The following LRRC7 variants were observed in gnomAD, a reference collection of about 807,000 sequenced individuals.
LRRC7 encodes leucine-rich repeat-containing protein 7.
Under a neutral mutation model 175.7 loss-of-function variants are expected in LRRC7, and 23 were observed. That is an observed-to-expected ratio of 0.13 (90% confidence interval 0.09 to 0.19). The LOEUF is 0.19. Among genes scored for constraint, LRRC7 ranks in the 10% least tolerant of loss-of-function variants. The pLI is 1.00. For missense variants in LRRC7, 1,354 were observed against 1,904.7 expected (o/e 0.71, Z 5.38); for synonymous variants, 685 against 680.9 (o/e 1.01, Z -0.09).
At chr1:70,116,246 TAACAC>T (rs1353502148) in intron 26 of LRRC7, among the ~76,000 whole-genome samples, 1 of 152,148 alleles carries the variant, frequency 6.6e-6, no homozygotes, top group Non-Finnish European at 1.5e-5. Context: ...TGTGTGTACT[TAACAC>T]AGAAGAGAAA....
At chr1:69,851,529 G>A (rs540437942) in intron 7 of LRRC7, among the ~76,000 whole-genome samples, 7 of 152,262 alleles carry the variant, frequency 4.6e-5, no homozygotes, top group Admixed American at 1.3e-4. Context: ...GAAGATGTCC[G>A]TAGAAGCAGG....
chr1:69,741,683 A>G (rs1290712075), intron 2 of LRRC7, among the ~76,000 whole-genome samples: 1 of 152,018 alleles, frequency 6.6e-6, no homozygotes, highest in Non-Finnish European at 1.5e-5. Context: ...CAAGCTAAAG[A>G]AGACTTACGA....
chr1:69,964,543 G>A (rs369025267), intron 8 of LRRC7, among the ~76,000 whole-genome samples: 2 of 152,070 alleles, frequency 1.3e-5, no homozygotes, highest in South Asian at 2.1e-4. Flanking sequence ...CCCAATAGAA[G>A]TTAGATTTTT....
intron 3 of LRRC7, among the ~76,000 whole-genome samples, chr1:69,773,515 C>T (rs1672473749): frequency 6.6e-6 from 1 of 152,176 alleles, no homozygotes; most frequent in African/African-American, 2.4e-5. Flanking sequence ...AGGAATATCA[C>T]TTATAAAAGG....
chr1:69,662,329 AT>A (rs1657591993), intron 1 of LRRC7, among the ~76,000 whole-genome samples: 1 of 152,120 alleles, frequency 6.6e-6, no homozygotes, highest in Non-Finnish European at 1.5e-5. Flanking sequence ...TAAAATCTAG[AT>A]TTTTCAAGAC....
chr1:69,686,898 A>C (rs1661220441), intron 2 of LRRC7, among the ~76,000 whole-genome samples: 1 of 152,112 alleles, frequency 6.6e-6, no homozygotes, highest in African/African-American at 2.4e-5. Context: ...GTTAAATATA[A>C]AGGGATAGAA....
chr1:69,619,444 A>C (rs974626637), intron 1 of LRRC7, among the ~76,000 whole-genome samples: 5 of 152,170 alleles, frequency 3.3e-5, no homozygotes, highest in African/African-American at 1.2e-4. Context: ...TTCATTCTGC[A>C]TGAAGAAATG....
At chr1:69,758,897 T>A (rs1014587305) in intron 2 of LRRC7, among the ~76,000 whole-genome samples, 1 of 152,038 alleles carries the variant, frequency 6.6e-6, no homozygotes, top group Non-Finnish European at 1.5e-5. Flanking sequence ...TAAATTTGTG[T>A]TACTAAGTAA....
intron 7 of LRRC7, among the ~76,000 whole-genome samples, chr1:69,845,743 T>C (rs1682285024): frequency 6.6e-6 from 1 of 152,120 alleles, no homozygotes; most frequent in Non-Finnish European, 1.5e-5. Flanking sequence ...CTTAGTGCCA[T>C]TGTAATGAAA....
At chr1:69,775,540 T>A (rs1051451876) in intron 3 of LRRC7, among the ~76,000 whole-genome samples, 1 of 152,200 alleles carries the variant, frequency 6.6e-6, no homozygotes, top group Non-Finnish European at 1.5e-5. Context: ...GTTACAGAAA[T>A]GTAGGATTAC....
intron 4 of LRRC7, among the ~76,000 whole-genome samples, chr1:69,819,804 C>T (rs995397448): frequency 1.3e-5 from 2 of 152,116 alleles, no homozygotes; most frequent in Non-Finnish European, 2.9e-5. Context: ...TAATTACCCT[C>T]TTTGTCACTT....
chr1:69,704,511 T>A (rs1663777065), intron 2 of LRRC7, among the ~76,000 whole-genome samples: 1 of 152,040 alleles, frequency 6.6e-6, no homozygotes, highest in African/African-American at 2.4e-5. Flanking sequence ...GGCTTTTGTA[T>A]ATAGACTATT....
intron 2 of LRRC7, among the ~76,000 whole-genome samples, chr1:69,704,782 C>T (rs1663814839): frequency 6.6e-6 from 1 of 151,948 alleles, no homozygotes; most frequent in South Asian, 2.1e-4. Flanking sequence ...TCCCCAAGGA[C>T]TAGAACCACT....
At chr1:70,075,037 C>T (rs184524635) in intron 23 of LRRC7, among the ~76,000 whole-genome samples, 1 of 152,274 alleles carries the variant, frequency 6.6e-6, no homozygotes, top group Admixed American at 6.5e-5. Context: ...TTCAAGTCAC[C>T]TATCCTTAAA....
chr1:69,691,041 G>A (rs531931508), intron 2 of LRRC7, among the ~76,000 whole-genome samples: 10 of 152,270 alleles, frequency 6.6e-5, no homozygotes, highest in Non-Finnish European at 1.5e-4. Flanking sequence ...GTTTCATAAT[G>A]TTCAGGAAGT....
At chr1:70,087,512 GA>G (rs1407526475) in intron 24 of LRRC7, among the ~76,000 whole-genome samples, 2 of 151,968 alleles carry the variant, frequency 1.3e-5, no homozygotes, top group Non-Finnish European at 2.9e-5. Context: ...TAATAACAAA[GA>G]GATCAACTAG....
intron 2 of LRRC7, among the ~76,000 whole-genome samples, chr1:69,752,358 C>T (rs1052416970): frequency 4.6e-5 from 7 of 152,150 alleles, no homozygotes; most frequent in African/African-American, 1.7e-4. Flanking sequence ...ATATTTGTCA[C>T]AAGAAATCTT....
At chr1:69,754,625 G>A (rs115519171) in intron 2 of LRRC7, among the ~76,000 whole-genome samples, 4,994 of 152,086 alleles carry the variant, frequency 0.033, 94 homozygotes, top group African/African-American at 0.053. Context: ...TGAGGAAACT[G>A]ATAGAGGTAA....
intron 26 of LRRC7, among the ~76,000 whole-genome samples, chr1:70,108,481 T>G (rs897552540): frequency 1.3e-5 from 2 of 152,206 alleles, no homozygotes; most frequent in Non-Finnish European, 2.9e-5. Context: ...ATTTTTTGCT[T>G]TGTTTCTTAT....
Sources: allele counts gnomAD v4.1 joint callset (sites outside exome capture counted in the v4.1 genomes callset), GRCh38; gene constraint gnomAD v4.1.1; transcripts MANE v1.5; gene names NCBI Gene and HGNC (gene_info 2026-07-23, HGNC 2026-07-21).